SLC7A5: variants seen among roughly 807,000 people sequenced by gnomAD.
SLC7A5 encodes the protein solute carrier family 7 member 5, also known as large neutral amino acids transporter small subunit 1.
Under a neutral mutation model 50.2 loss-of-function variants are expected in SLC7A5, and 23 were observed. The observed-to-expected ratio is 0.46, with a 90% confidence interval of 0.33 to 0.65. SLC7A5 has a LOEUF of 0.65. Ranked by LOEUF, SLC7A5 falls within the 30% of genes least tolerant of loss-of-function variation. The pLI, the probability that SLC7A5 is intolerant of heterozygous loss-of-function variation, is 0.02. For missense variants in SLC7A5, 578 were observed against 684.4 expected (o/e 0.84, Z 1.73); for synonymous variants, 393 against 330.6 (o/e 1.19, Z -2.05).
intron 1 of SLC7A5, among the ~76,000 whole-genome samples, chr16:87,865,327 C>T (rs143083077): frequency 1.8e-3 from 277 of 152,304 alleles, no homozygotes; most frequent in South Asian, 6.8e-3. Flanking sequence ...ACCCTATTAA[C>T]ATTAACCCTC....
At chr16:87,840,629 C>G (rs969966630) in intron 3 of SLC7A5, among the ~76,000 whole-genome samples, 156 bp from the exon 4 acceptor site, 5 of 152,210 alleles carry the variant, frequency 3.3e-5, no homozygotes, top group African/African-American at 1.2e-4. Flanking sequence ...AGCTCAGCCT[C>G]CTGCGTGTTC....
chr16:87,836,732 C>A (rs924797835), intron 7 of SLC7A5, 85 bp from the exon 8 acceptor site: 49 of 1,445,760 alleles, frequency 3.4e-5, no homozygotes, highest in Non-Finnish European at 4.5e-5. Flanking sequence ...GACTGTCCAG[C>A]CTGGCTGGGC....
At chr16:87,858,546 C>A (rs1288199830) in intron 1 of SLC7A5, among the ~76,000 whole-genome samples, 1 of 152,178 alleles carries the variant, frequency 6.6e-6, no homozygotes, top group Non-Finnish European at 1.5e-5. Context: ...CAATCCAACA[C>A]CTCCATTTTA....
intron 2 of SLC7A5, among the ~76,000 whole-genome samples, chr16:87,850,969 G>C (rs952876373): frequency 2.8e-4 from 42 of 152,278 alleles, no homozygotes; most frequent in African/African-American, 1.0e-3. Flanking sequence ...AAAGGGGCGG[G>C]GGCTGTTTCA....
chr16:87,836,181 G>A (rs773817610), intron 8 of SLC7A5, among the ~76,000 whole-genome samples: 3 of 152,218 alleles, frequency 2.0e-5, no homozygotes, highest in Admixed American at 6.5e-5. Flanking sequence ...CGCCAGGCCC[G>A]GCTCTGCCCC....
intron 2 of SLC7A5, among the ~76,000 whole-genome samples, chr16:87,843,871 G>A (rs368877134): frequency 1.3e-4 from 20 of 152,288 alleles, no homozygotes; most frequent in African/African-American, 4.3e-4. Context: ...TACCCCTGCC[G>A]GGAGGACAGG....
At chr16:87,859,973 T>C (rs1217052816) in intron 1 of SLC7A5, among the ~76,000 whole-genome samples, 1 of 151,828 alleles carries the variant, frequency 6.6e-6, no homozygotes, top group Non-Finnish European at 1.5e-5. Flanking sequence ...CCTCCTGTCT[T>C]ACCCAGATAC....
chr16:87,851,234 G>C (rs965547936), intron 2 of SLC7A5, among the ~76,000 whole-genome samples: 2 of 151,800 alleles, frequency 1.3e-5, no homozygotes, highest in Non-Finnish European at 2.9e-5. Context: ...CAGAAACACA[G>C]AGACAATCCC....
rs1389489330 is a variant in SLC7A5, at chr16:87,862,786, T to C, written c.538+6099A>G. On this transcript the variant is annotated intron_variant, in intron 1 of 9. Transcript: ENST00000261622. This position sits in a 1 kb window ranked among gnomAD's most constrained non-coding sequence, Gnocchi z 5.3. ...AACAGGCTCGGCGGGGCCAGGTGGA[T>C]TTCTCAAAGCCTTGGTTGCTTTTGG... is the stretch of plus-strand genomic sequence containing the variant. 6.6e-6 allele frequency among the ~76,000 whole-genome samples: 1 copy of C among 152,170 alleles called. No individual in the cohort carries two copies. Among genetic ancestry groups the C allele is most frequent in the Non-Finnish European group, 1.5e-5 (1 of 68,026 alleles).
chr16:87,856,205 G>C (rs1309267920), intron 1 of SLC7A5, among the ~76,000 whole-genome samples: 1 of 152,238 alleles, frequency 6.6e-6, no homozygotes, highest in Admixed American at 6.5e-5. Context: ...CTGCCTCCAG[G>C]AGTCATCTGT....
At chr16:87,866,478 T>C (rs8056706) in intron 1 of SLC7A5, among the ~76,000 whole-genome samples, 3,438 of 152,216 alleles carry the variant, frequency 0.023, 135 homozygotes, top group African/African-American at 0.078. Flanking sequence ...TTTTTGCTTT[T>C]TTTTTGAGAT....
At chr16:87,851,519 A>C (rs2055222487) in intron 2 of SLC7A5, among the ~76,000 whole-genome samples, 2 of 152,252 alleles carry the variant, frequency 1.3e-5, no homozygotes. Context: ...AGTGGTGGCC[A>C]CGCTGTCCCA....
Position 87,833,163 on chromosome 16 carries a change from C to T in SLC7A5, c.1469-138G>A. 1.3e-6 allele frequency: 1 copy of T among 770,972 alleles called. No homozygotes were observed. The highest frequency in any genetic ancestry group is 1.4e-5 in the South Asian group (1 of 72,164). 47.8% of individuals were successfully genotyped at this position (770,972 alleles called of 1,614,324 possible). On this transcript the variant is annotated intron_variant, in intron 9 of 9. Transcript: ENST00000261622. This position sits in a 1 kb window ranked among gnomAD's most constrained non-coding sequence, Gnocchi z 6.0. The stretch of plus-strand genomic sequence containing the variant: ...TGCCCAGCGCTGGGATTTTAAGGAA[C>T]CTTCCCTTGTGTACTTGCGCATGTG...
rs1335287509 is a variant in SLC7A5 at position 87,831,171 on chromosome 16, G to C, written c.*1799C>G. 6.6e-6 allele frequency: 1 copy of C among 152,284 alleles called. No individual in the cohort carries two copies. Among genetic ancestry groups the C allele is most frequent in the East Asian group, 1.9e-4 (1 of 5,196 alleles). 9.4% of individuals were successfully genotyped at this position (152,284 alleles called of 1,614,324 possible). ...ACACAGTCAGTCCACCTGCCTGCTG[G>C]TGGTCCTCGGCCTCCAGACCGTGGG... On this transcript the variant is annotated 3_prime_UTR_variant, in exon 10 of 10. Coordinates refer to ENST00000261622, the MANE Select transcript of SLC7A5 (RefSeq NM_003486.7).
In SLC7A5 at chr16:87,838,737, A is replaced by G; in HGVS notation, c.1020T>C (p.Asn340=). 6.2e-7 allele frequency: 1 copy of G among 1,613,952 alleles called. No homozygotes were observed. The highest frequency in any genetic ancestry group is 8.5e-7 in the Non-Finnish European group (1 of 1,179,968). ...ACCTGGAGGATGTGAACAGGGACCC[A>G]TTGACGGAGCCGAAGCAGGACAGGC... ...FVGLSCFGSV[N]GSLFTSSRLF... The change falls in exon 6 of 10, where the codon AAT becomes AAC. Residue 340 remains asparagine, a synonymous_variant. Transcript: ENST00000261622.
intron 2 of SLC7A5, among the ~76,000 whole-genome samples, chr16:87,844,380 T>C (rs1289310888): frequency 1.3e-5 from 2 of 151,848 alleles, no homozygotes; most frequent in African/African-American, 2.4e-5. Flanking sequence ...CCTGGGGAGA[T>C]GATTTCAGGG....
chr16:87,851,209 T>G (rs940627914), intron 2 of SLC7A5, among the ~76,000 whole-genome samples: 2 of 151,650 alleles, frequency 1.3e-5, no homozygotes, highest in African/African-American at 4.8e-5. Flanking sequence ...TACCTCATCT[T>G]CTTTAAAAAG....
At chr16:87,840,068 G>A (rs1056893107) in intron 4 of SLC7A5, among the ~76,000 whole-genome samples, 2 of 152,208 alleles carry the variant, frequency 1.3e-5, no homozygotes, top group African/African-American at 4.8e-5. Flanking sequence ...CTGAGAAATG[G>A]GGATTCTTCG....
intron 1 of SLC7A5, among the ~76,000 whole-genome samples, chr16:87,863,902 C>T (rs1333443147): frequency 6.7e-6 from 1 of 149,980 alleles, no homozygotes; most frequent in Non-Finnish European, 1.5e-5. Flanking sequence ...TAGGATCAGG[C>T]TCAAGGAATA....
Sources: gnomAD v4.1 joint callset for allele counts (sites outside exome capture counted in the v4.1 genomes callset) on GRCh38, gnomAD v4.1.1 for gene constraint, Gnocchi (gnomAD v3.1) non-coding constraint, MANE v1.5 for transcripts, NCBI Gene and HGNC (gene_info 2026-07-23, HGNC 2026-07-21) for gene names.